Variants in SLC5A3 observed in about 807,000 individuals in gnomAD.
The protein encoded by SLC5A3 is sodium/myo-inositol cotransporter.
In SLC5A3, 10 loss-of-function variants were observed where a neutral mutation model predicts 43.2. That is an observed-to-expected ratio of 0.23 (90% confidence interval 0.14 to 0.39). The LOEUF (loss-of-function observed/expected upper bound fraction) is 0.39. Among genes scored for constraint, SLC5A3 ranks in the 10% least tolerant of loss-of-function variants. The probability of loss-of-function intolerance (pLI) is 1.00; values close to 1 mark genes in which losing one functional copy is unlikely to be tolerated. For synonymous variants in SLC5A3, 349 were observed against 322.0 expected (o/e 1.08, Z -0.90); for missense variants, 608 against 893.4 (o/e 0.68, Z 4.07).
chr21:34,098,437 T>C lies in SLC5A3; in HGVS notation c.*1082T>C, dbSNP rs778490784. The C allele has an allele frequency of 9.0e-6, 9 of 999,974 alleles. No homozygotes were observed. The highest frequency in any genetic ancestry group is 6.2e-5 in the Admixed American group (1 of 16,260). 61.9% of individuals were successfully genotyped at this position (999,974 alleles called of 1,614,324 possible). On this transcript the variant is annotated 3_prime_UTR_variant, in exon 2 of 2. Coordinates refer to ENST00000381151, the MANE Select transcript of SLC5A3 (RefSeq NM_006933.7). ...GGGAAAATTTAATTCTGATATCTTATTGCATCCTTGATAAGTTTTTCCCTG... is the reference window on the plus strand; with the variant it reads ...GGGAAAATTTAATTCTGATATCTTACTGCATCCTTGATAAGTTTTTCCCTG...
Position 34,097,408 on chromosome 21 carries a change from G to GA in SLC5A3, c.*53_*54insA. The GA allele has an allele frequency of 1.5e-6, 2 of 1,367,036 alleles. No homozygotes were observed. The highest frequency in any genetic ancestry group is 1.9e-6 in the Non-Finnish European group (2 of 1,068,368). The allele number at this position is 1,367,036 out of a possible 1,614,324, so 84.7% of individuals were successfully genotyped here. A position where few individuals can be genotyped will look rare whatever the true frequency, so the allele number is the denominator to read the frequency against. ...TAAGACAATACTGACTGGTCTTTGG[G>GA]GAAAAAAGTTATGTAACTGTGCATC... On this transcript the variant is annotated 3_prime_UTR_variant, in exon 2 of 2. Transcript: ENST00000381151.
chr21:34,098,657 G>C lies in SLC5A3; in HGVS notation c.*1302G>C, dbSNP rs1278752165. On this transcript the variant is annotated 3_prime_UTR_variant, in exon 2 of 2. Transcript: ENST00000381151. The stretch of plus-strand genomic sequence containing the variant: ...AGCATGTTTGAGAGGTGCCAAACAA[G>C]AACTTTTGGGGTTAGTAGTGTGTCT... 1 of 1,000,128 alleles carries C rather than the reference G, an allele frequency of 1.0e-6. No individual in the cohort carries two copies. Among genetic ancestry groups the C allele is most frequent in the African/African-American group, 1.7e-5 (1 of 57,228 alleles). The allele number at this position is 1,000,128 out of a possible 1,614,324, so 62.0% of individuals were successfully genotyped here.
At position 34,104,725 on chromosome 21, in the gene SLC5A3, T is replaced by C. The variant is rs1222795465; in HGVS notation, c.*7370T>C. On this transcript the variant is annotated 3_prime_UTR_variant, in exon 2 of 2. Transcript: ENST00000381151. ...ATGAGGGGAAGAAGATTACCAGAAG[T>C]GCAGGAAAGAGAAGTTTGAGGAACA... 1 of 1,000,134 alleles carries C rather than the reference T, an allele frequency of 1.0e-6. No homozygotes were observed. Among genetic ancestry groups the C allele is most frequent in the Non-Finnish European group, 1.2e-6 (1 of 830,016 alleles). The allele number at this position is 1,000,134 out of a possible 1,614,324, so 62.0% of individuals were successfully genotyped here.
In SLC5A3 at chr21:34,098,226, A is replaced by G; in HGVS notation, c.*871A>G. ...ATTAACTTATGCTAATCAGATGATT[A>G]CTCATATATTCTGCTAATTTTCTAG... is the stretch of plus-strand genomic sequence containing the variant. On this transcript the variant is annotated 3_prime_UTR_variant, in exon 2 of 2. Transcript: ENST00000381151. The G allele has an allele frequency of 3.0e-6, 3 of 998,816 alleles. No homozygotes were observed. The highest frequency in any genetic ancestry group is 1.2e-6 in the Non-Finnish European group (1 of 828,790). 61.9% of individuals were successfully genotyped at this position (998,816 alleles called of 1,614,324 possible).
rs1056567336 is a variant in SLC5A3, at chr21:34,098,870, T to C, written c.*1515T>C. ...CATGAAAGATGAAGGAAGCAAATTA[T>C]GTATGTACTTTCTTTGACCTTCTTT... is the stretch of plus-strand genomic sequence containing the variant. On this transcript the variant is annotated 3_prime_UTR_variant, in exon 2 of 2. Transcript: ENST00000381151. 5 of 999,644 alleles carry C rather than the reference T, an allele frequency of 5.0e-6. No individual in the cohort carries two copies. Among genetic ancestry groups the C allele is most frequent in the Non-Finnish European group, 6.0e-6 (5 of 829,498 alleles). 61.9% of individuals were successfully genotyped at this position (999,644 alleles called of 1,614,324 possible).
Position 34,104,494 on chromosome 21 carries a change from CTT to C in SLC5A3, c.*7142_*7143del, listed in dbSNP as rs1979390687. 2.0e-6 allele frequency: 2 copies of C among 996,590 alleles called. No individual in the cohort carries two copies. Among genetic ancestry groups the C allele is most frequent in the Non-Finnish European group, 2.4e-6 (2 of 828,794 alleles). 61.7% of individuals were successfully genotyped at this position (996,590 alleles called of 1,614,324 possible). A position where few individuals can be genotyped will look rare whatever the true frequency, so the allele number is the denominator to read the frequency against. On this transcript the variant is annotated 3_prime_UTR_variant, in exon 2 of 2. Transcript: ENST00000381151. ...AGAAATGACTACCTTTGTTCCTACT[CTT>C]TTATATAATTATCCTTTTAGGGAAA...
intron 1 of SLC5A3, among the ~76,000 whole-genome samples, chr21:34,078,057 A>G (rs544689967): frequency 7.3e-4 from 111 of 152,324 alleles, no homozygotes; most frequent in Non-Finnish European, 1.4e-3. Context: ...CTTGGCAAGC[A>G]TTTGATAACT....
chr21:34,077,272 A>C (rs1332922157), intron 1 of SLC5A3, among the ~76,000 whole-genome samples: 1 of 152,240 alleles, frequency 6.6e-6, no homozygotes, highest in African/African-American at 2.4e-5. Flanking sequence ...CTTAGGAAAA[A>C]AATGAAACTT....
At position 34,101,049 on chromosome 21, in the gene SLC5A3, G is replaced by A; in HGVS notation, c.*3694G>A. 6.0e-6 allele frequency: 6 copies of A among 1,000,136 alleles called. No individual in the cohort carries two copies. The highest frequency in any genetic ancestry group is 7.2e-6 in the Non-Finnish European group (6 of 829,932). The allele number at this position is 1,000,136 out of a possible 1,614,324, so 62.0% of individuals were successfully genotyped here. A position where few individuals can be genotyped will look rare whatever the true frequency, so the allele number is the denominator to read the frequency against. ...GACACCTCACTGTTTCCTAGGTTTG[G>A]ATAGAGAGATGTATACAAGACCTTT... On this transcript the variant is annotated 3_prime_UTR_variant, in exon 2 of 2. Coordinates refer to ENST00000381151, the MANE Select transcript of SLC5A3 (RefSeq NM_006933.7).
Position 34,099,684 on chromosome 21 carries a change from T to C in SLC5A3, c.*2329T>C. On this transcript the variant is annotated 3_prime_UTR_variant, in exon 2 of 2. Transcript: ENST00000381151. The stretch of plus-strand genomic sequence containing the variant: ...TCCCTCTACCTTCTTTCTGCTCTTG[T>C]CTTAGTAAGATACATAAGGTACATC... 1.0e-6 allele frequency: 1 copy of C among 998,224 alleles called. No individual in the cohort carries two copies. The highest frequency in any genetic ancestry group is 1.2e-6 in the Non-Finnish European group (1 of 829,644). The allele number at this position is 998,224 out of a possible 1,614,324, so 61.8% of individuals were successfully genotyped here.
In SLC5A3 at chr21:34,103,882, A is replaced by G; in HGVS notation, c.*6527A>G. 1 of 1,000,208 alleles carries G rather than the reference A, an allele frequency of 1.0e-6. No homozygotes were observed. Among genetic ancestry groups the G allele is most frequent in the Non-Finnish European group, 1.2e-6 (1 of 829,942 alleles). The allele number at this position is 1,000,208 out of a possible 1,614,324, so 62.0% of individuals were successfully genotyped here. On this transcript the variant is annotated 3_prime_UTR_variant, in exon 2 of 2. Transcript: ENST00000381151. ...TGGGGTTTGAGGGCTTTTTACTGCA[A>G]CTTGAAACTGGAGAAATAGGGACAG...
chr21:34,104,987 GT>G lies in SLC5A3; in HGVS notation c.*7636del, dbSNP rs1979411648. On this transcript the variant is annotated 3_prime_UTR_variant, in exon 2 of 2. Transcript: ENST00000381151. Reference sequence around the variant, plus strand: ...AGCAGTGTAAATATGTATAATTAGAGTTTTCTAATTTCACTGTGAGATCTCT... The same window carrying G: ...AGCAGTGTAAATATGTATAATTAGAGTTTCTAATTTCACTGTGAGATCTCT... 3 of 999,054 alleles carry G rather than the reference GT, an allele frequency of 3.0e-6. No individual in the cohort carries two copies. The highest frequency in any genetic ancestry group is 2.4e-6 in the Non-Finnish European group (2 of 829,012). The allele number at this position is 999,054 out of a possible 1,614,324, so 61.9% of individuals were successfully genotyped here.
Position 34,073,673 on chromosome 21 carries a change from C to T in SLC5A3, c.-409C>T. Reference sequence around the variant, plus strand: ...TCGCGTCCCGGGAACCGGCTGGCTTCCGAGCCGCACTCGCCGATCCTCCAG... The same window carrying T: ...TCGCGTCCCGGGAACCGGCTGGCTTTCGAGCCGCACTCGCCGATCCTCCAG... On this transcript the variant is annotated 5_prime_UTR_variant, in exon 1 of 2. Transcript: ENST00000381151. The T allele has an allele frequency of 6.6e-7, 1 of 1,512,682 alleles. No homozygotes were observed. The highest frequency in any genetic ancestry group is 8.9e-7 in the Non-Finnish European group (1 of 1,122,948). The allele number at this position is 1,512,682 out of a possible 1,614,324, so 93.7% of individuals were successfully genotyped here. A position where few individuals can be genotyped will look rare whatever the true frequency, so the allele number is the denominator to read the frequency against.
In SLC5A3 at chr21:34,100,255, A is replaced by T. The variant is rs1322136799; in HGVS notation, c.*2900A>T. On this transcript the variant is annotated 3_prime_UTR_variant, in exon 2 of 2. Transcript: ENST00000381151. ...ACTTTTGTCTTCTCAGGCAATTTTC[A>T]TCTCAAGATCTGATGAGAAGGGCAT... is the stretch of plus-strand genomic sequence containing the variant. 3 of 1,000,178 alleles carry T rather than the reference A, an allele frequency of 3.0e-6. No individual in the cohort carries two copies. The highest frequency in any genetic ancestry group is 2.4e-6 in the Non-Finnish European group (2 of 829,934). The allele number at this position is 1,000,178 out of a possible 1,614,324, so 62.0% of individuals were successfully genotyped here.
In SLC5A3 at chr21:34,100,517, G is replaced by A; in HGVS notation, c.*3162G>A. On this transcript the variant is annotated 3_prime_UTR_variant, in exon 2 of 2. Coordinates refer to ENST00000381151, the MANE Select transcript of SLC5A3 (RefSeq NM_006933.7). The stretch of plus-strand genomic sequence containing the variant: ...TAAATTCAATAGATCTCATCTCCTA[G>A]GGCTTCCTTTTCACTTGGCTCAAAG... 1.0e-6 allele frequency: 1 copy of A among 1,000,182 alleles called. No homozygotes were observed. The highest frequency in any genetic ancestry group is 1.7e-5 in the African/African-American group (1 of 57,336). The allele number at this position is 1,000,182 out of a possible 1,614,324, so 62.0% of individuals were successfully genotyped here.
Position 34,102,907 on chromosome 21 carries a change from C to A in SLC5A3, c.*5552C>A. Reference sequence around the variant, plus strand: ...TGAATTCGACAACCGCACAAGTTGGCAGTAGGTATCCCCAACCTAATTTAT... The same window carrying A: ...TGAATTCGACAACCGCACAAGTTGGAAGTAGGTATCCCCAACCTAATTTAT... On this transcript the variant is annotated 3_prime_UTR_variant, in exon 2 of 2. Transcript: ENST00000381151. 1 of 999,484 alleles carries A rather than the reference C, an allele frequency of 1.0e-6. No homozygotes were observed. Among genetic ancestry groups the A allele is most frequent in the Non-Finnish European group, 1.2e-6 (1 of 829,750 alleles). 61.9% of individuals were successfully genotyped at this position (999,484 alleles called of 1,614,324 possible).
At chr21:34,085,027 C>T (rs141563749) in intron 1 of SLC5A3, among the ~76,000 whole-genome samples, 5 of 152,276 alleles carry the variant, frequency 3.3e-5, no homozygotes, top group South Asian at 2.1e-4. Flanking sequence ...ACATTCAAAA[C>T]GGACATTGAT....
At position 34,096,959 on chromosome 21, in the gene SLC5A3, C is replaced by T; in HGVS notation, c.1761C>T (p.Pro587=). Residue 587 remains proline, a synonymous_variant, in exon 2 of 2, where the codon CCC becomes CCT. Coordinates refer to ENST00000381151, the MANE Select transcript of SLC5A3 (RefSeq NM_006933.7). The surrounding 1 kb of genome is among the most constrained non-coding windows in gnomAD (Gnocchi z 5.9). ...ENNETINHII[P]NGKSEDSIKG... ...ATGAGACCATCAACCACATCATTCC[C>T]AACGGGAAATCTGAAGACAGCATTA... 3.7e-6 allele frequency: 6 copies of T among 1,614,066 alleles called. No individual in the cohort carries two copies. Among genetic ancestry groups the T allele is most frequent in the Non-Finnish European group, 5.1e-6 (6 of 1,179,976 alleles).
In SLC5A3 at chr21:34,100,662, C is replaced by CT; in HGVS notation, c.*3308dup. On this transcript the variant is annotated 3_prime_UTR_variant, in exon 2 of 2. Coordinates refer to ENST00000381151, the MANE Select transcript of SLC5A3 (RefSeq NM_006933.7). Reference sequence around the variant, plus strand: ...TCTGTGAAACTTCACATTTTAAGAACTGAGTTGAGGGGGTTGTTATGCACT... The same window carrying CT: ...TCTGTGAAACTTCACATTTTAAGAACTTGAGTTGAGGGGGTTGTTATGCACT... 1 of 1,000,184 alleles carries CT rather than the reference C, an allele frequency of 1.0e-6. No individual in the cohort carries two copies. Among genetic ancestry groups the CT allele is most frequent in the Non-Finnish European group, 1.2e-6 (1 of 829,976 alleles). 62.0% of individuals were successfully genotyped at this position (1,000,184 alleles called of 1,614,324 possible).
Sources: allele counts gnomAD v4.1 joint callset (sites outside exome capture counted in the v4.1 genomes callset), GRCh38; gene constraint gnomAD v4.1.1; non-coding constraint Gnocchi (gnomAD v3.1); transcripts MANE v1.5; gene names NCBI Gene and HGNC (gene_info 2026-07-23, HGNC 2026-07-21).